Variants in TMEM128 observed in about 807,000 individuals in gnomAD.
TMEM128 encodes the protein transmembrane protein 128.
TMEM128 carries 16 observed loss-of-function variants against 19.7 expected under a neutral mutation model. The observed-to-expected ratio is 0.81, with a 90% CI of 0.55 to 1.23. The LOEUF (loss-of-function observed/expected upper bound fraction) is 1.23, where lower values mean the gene tolerates loss of function less well. TMEM128 is among the 50% of genes most tolerant of loss of function. TMEM128 has a pLI of 0.00. For synonymous variants in TMEM128, 98 were observed against 75.8 expected, an observed-to-expected ratio of 1.29 and a Z score of -1.52; for missense variants, 237 against 200.8, an observed-to-expected ratio of 1.18 and a Z score of -1.09.
At position 4,238,420 on chromosome 4, in the gene TMEM128, G is replaced by A. The variant is rs1233555371; in HGVS notation, c.399-485C>T. Reference sequence around the variant, plus strand: ...GTAAAATTAAAACACTAAGTATAAAGATTTTTAATGACTGAAATTTCTAAG... The same window carrying A: ...GTAAAATTAAAACACTAAGTATAAAAATTTTTAATGACTGAAATTTCTAAG... On this transcript the variant is annotated intron_variant, in intron 3 of 4. Coordinates refer to ENST00000382753, the MANE Select transcript of TMEM128 (RefSeq NM_001297551.2). Among the ~76,000 whole-genome samples, 3 of 152,140 alleles carry A rather than the reference G, an allele frequency of 2.0e-5. No individual in the cohort carries two copies. The South Asian group carries it at 6.2e-4, about 32-fold the overall frequency.
Position 4,248,090 on chromosome 4 carries a change from T to C in TMEM128, c.97+16A>G, listed in dbSNP as rs1305684344. 2 of 1,535,492 alleles carry C rather than the reference T, an allele frequency of 1.3e-6. No individual in the cohort carries two copies. Among genetic ancestry groups the C allele is most frequent in the Non-Finnish European group, 8.7e-7 (1 of 1,144,210 alleles). On this transcript the variant is annotated intron_variant, in intron 1 of 4. Coordinates refer to ENST00000382753, the MANE Select transcript of TMEM128 (RefSeq NM_001297551.2). ...TCGCCTCTGAGAACCTCGGGGCGGC[T>C]TGGTGCGCGCCTCACCCGGCCCGGC...
rs535900843 is a variant in TMEM128, at chr4:4,247,896, G to T, written c.97+210C>A. 1.3e-3 allele frequency: 1,808 copies of T among 1,430,178 alleles called. 1 individual carries two copies. Among genetic ancestry groups the T allele is most frequent in the Non-Finnish European group, 1.5e-3 (1,643 of 1,097,692 alleles). 88.6% of individuals were successfully genotyped at this position (1,430,178 alleles called of 1,614,324 possible). A position where few individuals can be genotyped will look rare whatever the true frequency, so the allele number is the denominator to read the frequency against. On this transcript the variant is annotated intron_variant, in intron 1 of 4. Transcript: ENST00000382753. ...AATTTTAATCGCTATTTCCAAATAG[G>T]TGTCAAATCAGCTCTCCAGAGAATT...
At chr4:4,247,960 G>A in intron 1 of TMEM128, 146 bp downstream of exon 1, 1 of 1,436,134 alleles carries the variant, frequency 7.0e-7, no homozygotes, top group Non-Finnish European at 9.1e-7. Context: ...AGCACTCCGC[G>A]ATTCTAAGGA....
Position 4,240,355 on chromosome 4 carries a change from T to G in TMEM128, c.364A>C (p.Ile122Leu), listed in dbSNP as rs562285701. Residue 122 changes from isoleucine (I) to leucine (L), a missense_variant, in exon 3 of 5, where the codon ATT becomes CTT. Physicochemically the swap from Ile to Leu is conservative, Grantham distance 5. Coordinates refer to ENST00000382753, the MANE Select transcript of TMEM128 (RefSeq NM_001297551.2). ...YDVKYPALIP[I>L]TTASFIAAGI... ...GCTGCAATAAAGGAGGCAGTGGTAA[T>G]GGGTATCAAGGCTGGATACTTGACA... 2 of 1,614,110 alleles carry G rather than the reference T, an allele frequency of 1.2e-6. No homozygotes were observed. The highest frequency in any genetic ancestry group is 4.5e-5 in the East Asian group (2 of 44,868).
chr4:4,247,153 AG>A (rs1300785586), intron 1 of TMEM128, among the ~76,000 whole-genome samples: 6 of 152,182 alleles, frequency 3.9e-5, no homozygotes, highest in African/African-American at 1.4e-4. Flanking sequence ...CTGTCTAGAC[AG>A]GTGATGGACA....
At chr4:4,242,223 TC>T (rs1433884934) in intron 2 of TMEM128, among the ~76,000 whole-genome samples, 1 of 151,910 alleles carries the variant, frequency 6.6e-6, no homozygotes, top group African/African-American at 2.4e-5. Flanking sequence ...TCAAGTTATA[TC>T]TATGAGGAAA....
chr4:4,247,310 G>T (rs1718222758), intron 1 of TMEM128, among the ~76,000 whole-genome samples: 2 of 152,026 alleles, frequency 1.3e-5, no homozygotes, highest in African/African-American at 4.8e-5. Context: ...TGAGGTTTTG[G>T]GCCTTTAGAT....
chr4:4,237,037 G>C (rs1175471296), intron 4 of TMEM128: 2 of 451,104 alleles, frequency 4.4e-6, no homozygotes, highest in African/African-American at 4.0e-5. Flanking sequence ...TCAGAAAACA[G>C]CCTCCACTGT....
intron 1 of TMEM128, chr4:4,247,781 C>T: frequency 6.7e-7 from 1 of 1,482,794 alleles, no homozygotes; most frequent in Non-Finnish European, 9.0e-7. Context: ...ACAAGCAATC[C>T]TGAAGTGAAA....
intron 4 of TMEM128, among the ~76,000 whole-genome samples, chr4:4,236,686 G>C (rs1032965706): frequency 6.6e-6 from 1 of 152,218 alleles, no homozygotes; most frequent in Non-Finnish European, 1.5e-5. Flanking sequence ...TGGGCATGGA[G>C]GTGCTAGCAA....
chr4:4,242,511 G>A (rs11732841), intron 2 of TMEM128, among the ~76,000 whole-genome samples: 46,705 of 150,808 alleles, frequency 0.31, 7,825 homozygotes, highest in East Asian at 0.46. Context: ...ATGTGGATAT[G>A]AGAAAAAAAA....
At chr4:4,238,806 G>A (rs1465712786) in intron 3 of TMEM128, among the ~76,000 whole-genome samples, 3 of 152,158 alleles carry the variant, frequency 2.0e-5, no homozygotes, top group South Asian at 2.1e-4. Context: ...GCCAACACAA[G>A]CAGATGGCTT....
chr4:4,238,488 A>G (rs1717814341), intron 3 of TMEM128, among the ~76,000 whole-genome samples: 1 of 152,240 alleles, frequency 6.6e-6, no homozygotes, highest in Non-Finnish European at 1.5e-5. Flanking sequence ...TCAGATGGTT[A>G]TTGGTTTTAA....
rs988095726 is a variant in TMEM128 at position 4,248,169 on chromosome 4, G to A, written c.34C>T (p.Arg12Trp). 3 of 1,532,204 alleles carry A rather than the reference G, an allele frequency of 2.0e-6. No individual in the cohort carries two copies. Among genetic ancestry groups the A allele is most frequent in the South Asian group, 1.2e-5 (1 of 83,502 alleles). The allele number at this position is 1,532,204 out of a possible 1,614,324, so 94.9% of individuals were successfully genotyped here. A position where few individuals can be genotyped will look rare whatever the true frequency, so the allele number is the denominator to read the frequency against. The change falls in exon 1 of 5, where the codon CGG becomes TGG. Residue 12 changes from arginine (R) to tryptophan (W), a missense_variant. Coordinates refer to ENST00000382753, the MANE Select transcript of TMEM128 (RefSeq NM_001297551.2). ...GCGTCCGGCAGGAGGAGGAATCGCCGCCGGAGCTGCTGCCGGGCCCGCGAG... is the reference window on the plus strand; with the variant it reads ...GCGTCCGGCAGGAGGAGGAATCGCCACCGGAGCTGCTGCCGGGCCCGCGAG... ...DSSRARQQLRRRFLLLPDAEA... is the reference protein window; with the variant it reads ...DSSRARQQLRWRFLLLPDAEA...
chr4:4,238,500 A>T (rs921039476), intron 3 of TMEM128, among the ~76,000 whole-genome samples: 1 of 152,238 alleles, frequency 6.6e-6, no homozygotes, highest in Non-Finnish European at 1.5e-5. Context: ...TGGTTTTAAT[A>T]TATAATAGTT....
At chr4:4,242,628 C>T (rs1440754157) in intron 2 of TMEM128, among the ~76,000 whole-genome samples, 2 of 151,854 alleles carry the variant, frequency 1.3e-5, no homozygotes, top group African/African-American at 4.8e-5. Flanking sequence ...AAGCTATCCT[C>T]CTGCCTCAGC....
intron 2 of TMEM128, among the ~76,000 whole-genome samples, chr4:4,241,614 T>C (rs777306291): frequency 7.9e-5 from 12 of 152,196 alleles, no homozygotes; most frequent in Non-Finnish European, 1.6e-4. Context: ...CCGGATTCCA[T>C]GAAGGCTTTT....
chr4:4,246,407 A>C (rs1259661041), intron 1 of TMEM128, 64 bp from the exon 2 acceptor site: 2 of 1,495,922 alleles, frequency 1.3e-6, no homozygotes, highest in African/African-American at 1.4e-5. Flanking sequence ...AATTACACTT[A>C]AGCCAAATAA....
intron 2 of TMEM128, among the ~76,000 whole-genome samples, chr4:4,245,641 T>C (rs1443345829): frequency 6.6e-6 from 1 of 152,224 alleles, no homozygotes; most frequent in African/African-American, 2.4e-5. Context: ...CACTCTACTG[T>C]ATGTGCCCAG....
Sources: allele counts gnomAD v4.1 joint callset (sites outside exome capture counted in the v4.1 genomes callset), GRCh38; gene constraint gnomAD v4.1.1; transcripts MANE v1.5; gene names NCBI Gene and HGNC (gene_info 2026-07-23, HGNC 2026-07-21).